The following FAM241B variants were observed in gnomAD, a reference collection of about 807,000 sequenced individuals.
FAM241B encodes the protein family with sequence similarity 241 member B, also known as protein FAM241B.
A neutral mutation model predicts 9.3 loss-of-function variants in FAM241B; 7 were observed. The observed-to-expected ratio is 0.75, with a 90% confidence interval of 0.43 to 1.41. The LOEUF (loss-of-function observed/expected upper bound fraction) is 1.41. Among genes scored for constraint, FAM241B ranks in the 40% most tolerant of loss-of-function variants. The pLI is 0.01. For missense variants in FAM241B, 136 were observed against 159.6 expected (o/e 0.85, Z 0.80); for synonymous variants, 60 against 64.1 (o/e 0.94, Z 0.31).
chr10:69,631,407 G>T, intron 1 of FAM241B, 73 bp from the exon 2 acceptor site: 4 of 1,234,184 alleles, frequency 3.2e-6, no homozygotes, highest in Non-Finnish European at 4.4e-6. Flanking sequence ...TAGTTTTCCT[G>T]GTGGACTCAA....
Position 69,633,260 on chromosome 10 carries a change from T to C in FAM241B, c.*201T>C. On this transcript the variant is annotated 3_prime_UTR_variant, in exon 4 of 4. Transcript: ENST00000373279. ...CATTTCCAAAGTGTGGGTGGGTCCG[T>C]TGGTTCCCAAGATACTTTTAGGTGG... 2.6e-6 allele frequency: 2 copies of C among 766,826 alleles called. No homozygotes were observed. The highest frequency in any genetic ancestry group is 4.1e-6 in the Non-Finnish European group (2 of 486,198). 47.5% of individuals were successfully genotyped at this position (766,826 alleles called of 1,614,324 possible).
chr10:69,631,186 G>A (rs1190301975), intron 1 of FAM241B, among the ~76,000 whole-genome samples: 3 of 152,312 alleles, frequency 2.0e-5, no homozygotes, highest in East Asian at 1.9e-4. Flanking sequence ...GTGTGATCCC[G>A]GGCAGGCCAC....
At chr10:69,630,635 A>G (rs1446259733) in intron 1 of FAM241B, 1 of 1,299,828 alleles carries the variant, frequency 7.7e-7, no homozygotes, top group African/African-American at 1.5e-5. Flanking sequence ...TTTTCGGCAT[A>G]CATGTCACCA....
Position 69,633,360 on chromosome 10 carries a change from T to C in FAM241B, c.*301T>C, listed in dbSNP as rs1839864745. 2.3e-6 allele frequency: 1 copy of C among 436,574 alleles called. No homozygotes were observed. Among genetic ancestry groups the C allele is most frequent in the Non-Finnish European group, 4.2e-6 (1 of 240,790 alleles). The allele number at this position is 436,574 out of a possible 1,614,324, so 27.0% of individuals were successfully genotyped here. On this transcript the variant is annotated 3_prime_UTR_variant, in exon 4 of 4. Transcript: ENST00000373279. The stretch of plus-strand genomic sequence containing the variant: ...CTTCCCAATTCTCTCAATCCTTTTA[T>C]GCCGAGAAGATCTCAGCTGGATGCC...
chr10:69,631,447 C>T (rs1839817684), intron 1 of FAM241B, 33 bp from the exon 2 acceptor site: 2 of 1,449,798 alleles, frequency 1.4e-6, no homozygotes, highest in African/African-American at 1.4e-5. Flanking sequence ...TGGCAAACAA[C>T]TTGCCTTTAT....
rs1781657927 is a variant in FAM241B at position 69,632,783 on chromosome 10, A to T, written c.97-7A>T. ...TTCATTCATCTCTCTCTGTCTTCAC[A>T]TTCCAGAGCTTCTTCAACAGGGGCC... On this transcript the variant is annotated splice_polypyrimidine_tract_variant and splice_region_variant and intron_variant, in intron 3 of 3. Transcript: ENST00000373279. The T allele has an allele frequency of 6.2e-7, 1 of 1,611,382 alleles. No homozygotes were observed. Among genetic ancestry groups the T allele is most frequent in the Non-Finnish European group, 8.5e-7 (1 of 1,178,886 alleles).
chr10:69,633,195 C>G lies in FAM241B; in HGVS notation c.*136C>G, dbSNP rs1321431411. 3.8e-6 allele frequency: 5 copies of G among 1,312,590 alleles called. No homozygotes were observed. The South Asian group carries it at 6.8e-5, about 18-fold the overall frequency. The allele number at this position is 1,312,590 out of a possible 1,614,324, so 81.3% of individuals were successfully genotyped here. A position where few individuals can be genotyped will look rare whatever the true frequency, so the allele number is the denominator to read the frequency against. Reference sequence around the variant, plus strand: ...AGGGGACCACAGGTGTGTGTTTCCCCTTTGTGTTAAGCGTGAGGCAGAGGG... The same window carrying G: ...AGGGGACCACAGGTGTGTGTTTCCCGTTTGTGTTAAGCGTGAGGCAGAGGG... On this transcript the variant is annotated 3_prime_UTR_variant, in exon 4 of 4. Transcript: ENST00000373279.
intron 1 of FAM241B, chr10:69,630,623 CT>C: frequency 4.6e-6 from 6 of 1,296,846 alleles, no homozygotes; most frequent in South Asian, 2.5e-5. Flanking sequence ...GGCTCCTGAC[CT>C]TTTTCGGCAT....
chr10:69,631,451 C>T (rs922666888), intron 1 of FAM241B, 29 bp from the exon 2 acceptor site: 5 of 1,460,430 alleles, frequency 3.4e-6, no homozygotes, highest in Non-Finnish European at 4.6e-6. Flanking sequence ...AAACAACTTG[C>T]CTTTATTTCT....
Sources: gnomAD v4.1 joint callset for allele counts (sites outside exome capture counted in the v4.1 genomes callset) on GRCh38, gnomAD v4.1.1 for gene constraint, MANE v1.5 for transcripts, NCBI Gene and HGNC (gene_info 2026-07-23, HGNC 2026-07-21) for gene names.